The following ABCA13 variants were observed in gnomAD, a reference collection of about 807,000 sequenced individuals.
ABCA13 encodes the protein ATP-binding cassette sub-family A member 13.
In ABCA13, 476 loss-of-function variants were observed where a neutral mutation model predicts 478.7. The observed-to-expected ratio is 0.99, with a 90% confidence interval of 0.92 to 1.07. ABCA13 has a LOEUF of 1.07. ABCA13 is among the 50% of genes least tolerant of loss of function. The pLI is 0.00. For synonymous variants in ABCA13, 2,252 were observed against 2,158.9 expected (o/e 1.04, Z -1.20); for missense variants, 6,060 against 5,910.6 (o/e 1.03, Z -0.83).
At position 48,483,096 on chromosome 7, in the gene ABCA13, G is replaced by A; in HGVS notation, c.13115G>A (p.Gly4372Glu). ...AACAGGCTTGGAGGTTGGTCTTTTG[G>A]ATTAAAAATCCCCAGTGAAGCTGGA... ...EKPRLGGWSF[G>E]LKIPSEAGGA... The change falls in exon 47 of 62, where the codon GGA becomes GAA. Residue 4372 changes from glycine (G) to glutamate (E), a missense_variant. Around this residue, in one of 3 missense-constraint regions of ABCA13, gnomAD observed 1,627 missense variants for 1,571.0 expected, o/e 1.04. Coordinates refer to ENST00000435803, the MANE Select transcript of ABCA13 (RefSeq NM_152701.5). The A allele has an allele frequency of 6.2e-7, 1 of 1,612,712 alleles. No homozygotes were observed. Among genetic ancestry groups the A allele is most frequent in the Non-Finnish European group, 8.5e-7 (1 of 1,179,404 alleles).
chr7:48,273,370 T>C lies in ABCA13; in HGVS notation c.3704T>C (p.Leu1235Ser). The change falls in exon 17 of 62, where the codon TTG becomes TCG. Residue 1235 changes from leucine to serine, a missense_variant. Physicochemically the swap from Leu to Ser is moderately radical, Grantham distance 145. Around this residue, in one of 3 missense-constraint regions of ABCA13, gnomAD observed 4,423 missense variants for 4,309.1 expected, o/e 1.03. Coordinates refer to ENST00000435803, the MANE Select transcript of ABCA13 (RefSeq NM_152701.5). Reference protein sequence around the residue: ...WEDFLDLRDFLVALGNALVSV... With the variant: ...WEDFLDLRDFSVALGNALVSV... ...GACTTCCTGGATCTCAGGGATTTTT[T>C]GGTAGCTTTAGGTAATGCATTAGTT... The C allele has an allele frequency of 6.2e-7, 1 of 1,613,710 alleles. No homozygotes were observed. The highest frequency in any genetic ancestry group is 1.1e-5 in the South Asian group (1 of 91,066).
At chr7:48,320,969 A>G (rs1803361762) in intron 27 of ABCA13, among the ~76,000 whole-genome samples, 1 of 152,164 alleles carries the variant, frequency 6.6e-6, no homozygotes, top group Non-Finnish European at 1.5e-5. Flanking sequence ...ATAGTAAACC[A>G]ATGGGATCTC....
Position 48,271,808 on chromosome 7 carries a change from C to A in ABCA13, c.2142C>A (p.His714Gln). 6.5e-7 allele frequency: 1 copy of A among 1,528,628 alleles called. No homozygotes were observed. The highest frequency in any genetic ancestry group is 8.8e-7 in the Non-Finnish European group (1 of 1,136,700). The allele number at this position is 1,528,628 out of a possible 1,614,324, so 94.7% of individuals were successfully genotyped here. A position where few individuals can be genotyped will look rare whatever the true frequency, so the allele number is the denominator to read the frequency against. ...SISRALNFTK[H>Q]LLMMEKKLHT... ...ACAGGGCTTTAAATTTCACAAAGCA[C>A]CTTCTAATGATGGAAAAGAAGTTGC... Residue 714 changes from histidine to glutamine, a missense_variant, in exon 17 of 62, where the codon CAC (histidine) becomes CAA (glutamine). Physicochemically the swap from His to Gln is conservative, Grantham distance 24. Around this residue, in one of 3 missense-constraint regions of ABCA13, gnomAD observed 4,423 missense variants for 4,309.1 expected, o/e 1.03. Transcript: ENST00000435803.
chr7:48,206,595 T>A (rs1203366917), intron 3 of ABCA13, among the ~76,000 whole-genome samples: 1 of 146,948 alleles, frequency 6.8e-6, no homozygotes, highest in Non-Finnish European at 1.5e-5. Flanking sequence ...TCTGTTTTTT[T>A]GGTTAATTTT....
Position 48,483,108 on chromosome 7 carries a change from C to T in ABCA13, c.13127C>T (p.Pro4376Leu), listed in dbSNP as rs1828938240. The T allele has an allele frequency of 6.2e-7, 1 of 1,612,954 alleles. No individual in the cohort carries two copies. The highest frequency in any genetic ancestry group is 1.1e-5 in the South Asian group (1 of 90,788). The change falls in exon 47 of 62, where the codon CCC becomes CTC. Residue 4376 changes from proline (P) to leucine (L), a missense_variant. By Grantham distance (98) the Pro-to-Leu change is moderately conservative. Coordinates refer to ENST00000435803, the MANE Select transcript of ABCA13 (RefSeq NM_152701.5). The part of the protein sequence containing the change: ...LGGWSFGLKI[P>L]SEAGGANGNI... ...GGTTGGTCTTTTGGATTAAAAATCC[C>T]CAGTGAAGCTGGAGGTGCAAATGGA...
chr7:48,298,327 C>G (rs766913623), intron 22 of ABCA13, 39 bp from the exon 23 acceptor site: 1 of 1,569,050 alleles, frequency 6.4e-7, no homozygotes. Flanking sequence ...ATGATCTAAA[C>G]CTTTATTACA....
At chr7:48,494,876 G>T (rs1253551917) in intron 48 of ABCA13, among the ~76,000 whole-genome samples, 1 of 152,130 alleles carries the variant, frequency 6.6e-6, no homozygotes, top group Non-Finnish European at 1.5e-5. Flanking sequence ...CCTTCACTTA[G>T]AATTATTGAC....
chr7:48,180,042 G>A (rs750475858), intron 1 of ABCA13, among the ~76,000 whole-genome samples: 14 of 152,210 alleles, frequency 9.2e-5, no homozygotes, highest in South Asian at 6.2e-4. Context: ...TCTGATGCCT[G>A]AGCCTATGGC....
chr7:48,582,202 C>A (rs1459196408), intron 56 of ABCA13, among the ~76,000 whole-genome samples: 1 of 152,180 alleles, frequency 6.6e-6, no homozygotes, highest in African/African-American at 2.4e-5. Flanking sequence ...TACTTTGAAA[C>A]CATATAAACC....
At chr7:48,284,515 C>T (rs1200717888) in intron 19 of ABCA13, among the ~76,000 whole-genome samples, 3 of 152,084 alleles carry the variant, frequency 2.0e-5, no homozygotes, top group Admixed American at 6.6e-5. Flanking sequence ...ACTTCTTCCT[C>T]GTTCTTGAAT....
chr7:48,626,904 T>C (rs1793717625), intron 59 of ABCA13: 28 of 985,422 alleles, frequency 2.8e-5, no homozygotes, highest in Non-Finnish European at 3.3e-5. Flanking sequence ...TTCTCTTTGC[T>C]ATGGCAAGAA....
chr7:48,365,774 A>G (rs1243507643), intron 31 of ABCA13, among the ~76,000 whole-genome samples: 2 of 152,152 alleles, frequency 1.3e-5, no homozygotes, highest in Admixed American at 6.5e-5. Flanking sequence ...TCATTGGTTT[A>G]TGTGTCTGTT....
At chr7:48,284,369 T>C (rs1256474611) in intron 19 of ABCA13, among the ~76,000 whole-genome samples, 1 of 152,220 alleles carries the variant, frequency 6.6e-6, no homozygotes. Context: ...TTAGATGTTA[T>C]GAACATTGGT....
rs1795679875 is a variant in ABCA13, at chr7:48,272,010, A to G, written c.2344A>G (p.Lys782Glu). ...SLWTNHLKSL[K>E]RDPSATDAQK... ...GTGGACAAATCATTTAAAAAGTTTA[A>G]AGAGAGACCCATCTGCCACTGATGC... is the stretch of plus-strand genomic sequence containing the variant. The change falls in exon 17 of 62, where the codon AAG becomes GAG. Residue 782 changes from lysine to glutamate, a missense_variant. Lys to Glu is a moderately conservative substitution (Grantham distance 56). Transcript: ENST00000435803. 6.2e-7 allele frequency: 1 copy of G among 1,613,680 alleles called. No individual in the cohort carries two copies. The highest frequency in any genetic ancestry group is 1.1e-5 in the South Asian group (1 of 91,064).
chr7:48,213,807 T>C (rs751430959), intron 3 of ABCA13, among the ~76,000 whole-genome samples: 30 of 152,222 alleles, frequency 2.0e-4, no homozygotes, highest in Non-Finnish European at 4.1e-4. Flanking sequence ...CAGAAGTAGA[T>C]TCCATCTCAA....
intron 55 of ABCA13, among the ~76,000 whole-genome samples, chr7:48,567,951 G>T (rs933725161): frequency 6.6e-6 from 1 of 151,998 alleles, no homozygotes; most frequent in Non-Finnish European, 1.5e-5. Context: ...TCCCCAATAC[G>T]TATATGAATG....
At chr7:48,299,148 T>G (rs1799803970) in intron 23 of ABCA13, among the ~76,000 whole-genome samples, 1 of 152,182 alleles carries the variant, frequency 6.6e-6, no homozygotes, top group Admixed American at 6.5e-5. Flanking sequence ...AGCAGGAGAT[T>G]TTCTGAGACA....
intron 15 of ABCA13, among the ~76,000 whole-genome samples, chr7:48,250,449 C>A (rs1460732368): frequency 6.6e-6 from 1 of 152,162 alleles, no homozygotes; most frequent in Non-Finnish European, 1.5e-5. Context: ...GTTGGTTCCC[C>A]TGACAATCAG....
intron 3 of ABCA13, among the ~76,000 whole-genome samples, chr7:48,202,558 A>G (rs1351445335): frequency 1.3e-5 from 2 of 151,970 alleles, no homozygotes; most frequent in African/African-American, 4.8e-5. Context: ...TGAGCTAAAC[A>G]CAGGGTGCTG....
Sources: gnomAD v4.1 joint callset for allele counts (sites outside exome capture counted in the v4.1 genomes callset) on GRCh38, gnomAD v4.1.1 for gene constraint, gnomAD v4.1.1 regional missense constraint, MANE v1.5 for transcripts, NCBI Gene and HGNC (gene_info 2026-07-23, HGNC 2026-07-21) for gene names.